Variants in KCNIP1 observed in about 807,000 individuals in gnomAD.
KCNIP1 encodes potassium voltage-gated channel interacting protein 1, also known as A-type potassium channel modulatory protein KCNIP1.
KCNIP1 carries 18 observed loss-of-function variants against 33.0 expected under a neutral mutation model. That is an observed-to-expected ratio of 0.55 (90% confidence interval 0.38 to 0.81). KCNIP1 has a LOEUF of 0.81. KCNIP1 is among the 30% of genes least tolerant of loss of function. The probability of loss-of-function intolerance (pLI) is 0.00; values close to 1 mark genes in which losing one functional copy is unlikely to be tolerated. For synonymous variants in KCNIP1, 93 were observed against 98.3 expected (o/e 0.95, Z 0.32); for missense variants, 238 against 271.6 (o/e 0.88, Z 0.87).
intron 1 of KCNIP1, among the ~76,000 whole-genome samples, chr5:170,437,359 G>C (rs562915302): frequency 6.6e-6 from 1 of 152,348 alleles, no homozygotes; most frequent in Admixed American, 6.5e-5. Flanking sequence ...CAAGGTGGCA[G>C]ATCTGGGACA....
At chr5:170,446,937 C>G (rs1303025376) in intron 1 of KCNIP1, among the ~76,000 whole-genome samples, 1 of 152,202 alleles carries the variant, frequency 6.6e-6, no homozygotes, top group Non-Finnish European at 1.5e-5. Context: ...CTCTACATGC[C>G]GAAAGAGTAA....
At chr5:170,529,384 T>G (rs1483918049) in intron 1 of KCNIP1, among the ~76,000 whole-genome samples, 1 of 152,200 alleles carries the variant, frequency 6.6e-6, no homozygotes, top group South Asian at 2.1e-4. Flanking sequence ...TTCTGTGTTA[T>G]GCTGTGAGGT....
At chr5:170,501,469 T>C (rs913563943), upstream of KCNIP1, among the ~76,000 whole-genome samples, 2 of 152,172 alleles carry the variant, frequency 1.3e-5, no homozygotes, top group African/African-American at 2.4e-5. Context: ...ATGGTTTGGA[T>C]TTTATTTTGG....
intron 1 of KCNIP1, among the ~76,000 whole-genome samples, chr5:170,518,517 G>T (rs1032842510): frequency 4.6e-5 from 7 of 152,220 alleles, no homozygotes; most frequent in Non-Finnish European, 8.8e-5. Flanking sequence ...TTTGTGAAAT[G>T]AAGGGATGAA....
intron 1 of KCNIP1, among the ~76,000 whole-genome samples, chr5:170,459,729 T>C (rs942814616): frequency 4.6e-5 from 7 of 152,142 alleles, no homozygotes; most frequent in African/African-American, 7.2e-5. Context: ...AAGGCCTACA[T>C]TGAAAAGTCT....
At chr5:170,360,835 G>A (rs1763492030) in intron 1 of KCNIP1, among the ~76,000 whole-genome samples, 1 of 152,216 alleles carries the variant, frequency 6.6e-6, no homozygotes, top group South Asian at 2.1e-4. Context: ...GCCGAGGAAG[G>A]AAGGTTGAAT....
intron 1 of KCNIP1, among the ~76,000 whole-genome samples, chr5:170,354,874 T>C (rs1763303865): frequency 6.6e-6 from 1 of 152,188 alleles, no homozygotes; most frequent in Non-Finnish European, 1.5e-5. Context: ...CTTTAAATAT[T>C]CATGCTGTCT....
intron 1 of KCNIP1, among the ~76,000 whole-genome samples, chr5:170,647,601 C>A (rs1240196724): frequency 6.7e-6 from 1 of 150,348 alleles, no homozygotes; most frequent in Non-Finnish European, 1.5e-5. Context: ...CACACACAAA[C>A]CTTGCACCCT....
intron 1 of KCNIP1, among the ~76,000 whole-genome samples, chr5:170,369,909 C>G (rs1183488660): frequency 6.6e-6 from 1 of 152,208 alleles, no homozygotes; most frequent in Non-Finnish European, 1.5e-5. Flanking sequence ...AGTGGACTCT[C>G]AAGGAAGCTG....
At chr5:170,376,544 T>C (rs1323733225) in intron 1 of KCNIP1, 1 of 152,132 alleles carries the variant, frequency 6.6e-6, no homozygotes, top group Non-Finnish European at 1.5e-5. Context: ...TAGGCCTCAG[T>C]GTGTGTTGTT....
intron 1 of KCNIP1, among the ~76,000 whole-genome samples, chr5:170,493,994 A>C (rs1456400810): frequency 6.6e-6 from 1 of 152,082 alleles, no homozygotes; most frequent in Non-Finnish European, 1.5e-5. Context: ...GCTGCTGGCT[A>C]AATTGTTGGA....
chr5:170,685,079 C>T (rs573215359), intron 1 of KCNIP1, among the ~76,000 whole-genome samples: 7 of 152,182 alleles, frequency 4.6e-5, no homozygotes, highest in South Asian at 2.1e-4. Context: ...GAATGGTAAC[C>T]TTTGGCCTCT....
At chr5:170,430,171 A>G (rs1755708799) in intron 1 of KCNIP1, among the ~76,000 whole-genome samples, 1 of 152,248 alleles carries the variant, frequency 6.6e-6, no homozygotes, top group Non-Finnish European at 1.5e-5. Flanking sequence ...GCCTGTGGAC[A>G]GTAAGCATCT....
intron 1 of KCNIP1, among the ~76,000 whole-genome samples, chr5:170,709,877 T>C (rs954569666): frequency 1.5e-4 from 23 of 152,204 alleles, no homozygotes; most frequent in Non-Finnish European, 2.8e-4. Context: ...TCTTTTTTTT[T>C]CTTTTTTTGA....
chr5:170,553,575 C>T (rs1020879808), intron 1 of KCNIP1, among the ~76,000 whole-genome samples: 5 of 152,228 alleles, frequency 3.3e-5, no homozygotes, highest in African/African-American at 1.2e-4. Context: ...CCTCAGCGGG[C>T]TGGAGCATCT....
At chr5:170,601,837 G>A (rs559146319) in intron 1 of KCNIP1, among the ~76,000 whole-genome samples, 6 of 152,316 alleles carry the variant, frequency 3.9e-5, no homozygotes, top group East Asian at 1.9e-4. Flanking sequence ...GCCTGCGGAC[G>A]TCGAGCAGGG....
At chr5:170,415,156 G>A (rs959548537) in intron 1 of KCNIP1, among the ~76,000 whole-genome samples, 2 of 152,046 alleles carry the variant, frequency 1.3e-5, no homozygotes, top group Non-Finnish European at 2.9e-5. Flanking sequence ...GATAACCCAC[G>A]AGGACGTTGT....
At chr5:170,536,049 C>T (rs944841187) in intron 1 of KCNIP1, among the ~76,000 whole-genome samples, 1 of 152,204 alleles carries the variant, frequency 6.6e-6, no homozygotes, top group African/African-American at 2.4e-5. Context: ...ATATCAACTC[C>T]GTAAAGGCAG....
chr5:170,501,584 G>T (rs1406281639), upstream of KCNIP1, among the ~76,000 whole-genome samples: 2 of 152,248 alleles, frequency 1.3e-5, no homozygotes, highest in Non-Finnish European at 2.9e-5. Flanking sequence ...TCTGTACTCT[G>T]CTTCTTCAGT....
Sources: gnomAD v4.1 joint callset for allele counts (sites outside exome capture counted in the v4.1 genomes callset) on GRCh38, gnomAD v4.1.1 for gene constraint, MANE v1.5 for transcripts, NCBI Gene and HGNC (gene_info 2026-07-23, HGNC 2026-07-21) for gene names.